Variants in RET observed in about 807,000 individuals in gnomAD.
The protein encoded by RET is ret proto-oncogene.
A neutral mutation model predicts 118.3 loss-of-function variants in RET; 19 were observed. The ratio of observed to expected loss-of-function variants is 0.16; its 90% CI spans 0.11 to 0.24. The LOEUF (loss-of-function observed/expected upper bound fraction) is 0.24, where lower values mean the gene tolerates loss of function less well. Among genes scored for constraint, RET ranks in the 10% least tolerant of loss-of-function variants. The pLI, the probability that RET is intolerant of heterozygous loss-of-function variation, is 1.00. For missense variants in RET, 1,219 were observed against 1,502.1 expected (o/e 0.81, Z 3.12); for synonymous variants, 597 against 644.1 (o/e 0.93, Z 1.11).
At chr10:43,127,340 C>T (rs1849709564) in intron 19 of RET, 1 of 1,067,860 alleles carries the variant, frequency 9.4e-7, no homozygotes, top group Non-Finnish European at 1.1e-6. Context: ...ACATCCTTTC[C>T]CTTACCCACC....
chr10:43,090,878 G>C (rs11239877), intron 1 of RET, among the ~76,000 whole-genome samples: 1 of 149,828 alleles, frequency 6.7e-6, no homozygotes, highest in African/African-American at 2.4e-5. Context: ...TAGAGATGGC[G>C]CGCTCCCTAG....
rs1554818648 is a variant in RET, at chr10:43,112,193, C to A, written c.1617C>A (p.Gly539=). ...GTGGCGGCCTGGGCTCCCCAACAGG[C>A]AGGTGTGAGTGGAGGCAAGGAGATG... ...EECGGLGSPT[G]RCEWRQGDGK... The change falls in exon 8 of 20, where the codon GGC becomes GGA. Residue 539 remains glycine (G), a synonymous_variant. Transcript: ENST00000355710. The A allele has an allele frequency of 1.3e-6, 2 of 1,562,126 alleles. No individual in the cohort carries two copies. Among genetic ancestry groups the A allele is most frequent in the Non-Finnish European group, 1.7e-6 (2 of 1,152,606 alleles).
In RET at chr10:43,114,565, C is replaced by G. The variant is rs2132847844; in HGVS notation, c.1965C>G (p.Phe655Leu). Residue 655 changes from phenylalanine (F) to leucine (L), a missense_variant, in exon 11 of 20, where the codon TTC becomes TTG. Phe to Leu is a conservative substitution (Grantham distance 22). This residue lies in a region of RET where 850 missense variants were observed against 969.6 expected (regional missense o/e 0.88). Coordinates refer to ENST00000355710, the MANE Select transcript of RET (RefSeq NM_020975.6). This position sits in a 1 kb window ranked among gnomAD's most constrained non-coding sequence, Gnocchi z 4.6. The part of the protein sequence containing the change: ...SFIVSVLLSA[F>L]CIHCYHKFAH... ...TCGTCTCGGTGCTGCTGTCTGCCTT[C>G]TGCATCCACTGCTACCACAAGTTTG... 6.2e-7 allele frequency: 1 copy of G among 1,612,124 alleles called. No individual in the cohort carries two copies. Among genetic ancestry groups the G allele is most frequent in the Admixed American group, 1.7e-5 (1 of 60,016 alleles).
chr10:43,117,183 A>C (rs1838092509), intron 12 of RET, among the ~76,000 whole-genome samples: 1 of 152,160 alleles, frequency 6.6e-6, no homozygotes, highest in Admixed American at 6.5e-5. Context: ...GCACCTACCC[A>C]CACAGGCATG....
At chr10:43,109,527 T>A (rs951310349) in intron 6 of RET, among the ~76,000 whole-genome samples, 1 of 152,210 alleles carries the variant, frequency 6.6e-6, no homozygotes, top group African/African-American at 2.4e-5. Context: ...ATATGGTGAC[T>A]CGGAAGAATC....
chr10:43,098,225 C>CA (rs1837562450), intron 1 of RET, among the ~76,000 whole-genome samples: 1 of 152,174 alleles, frequency 6.6e-6, no homozygotes, highest in Non-Finnish European at 1.5e-5. Context: ...CTGTCCCTAT[C>CA]AAACACTAAC....
In RET at chr10:43,128,228, T is replaced by C. The variant is rs1305555370; in HGVS notation, c.3304T>C (p.Ser1102Pro). The C allele has an allele frequency of 1.9e-6, 3 of 1,614,244 alleles. No homozygotes were observed. The Admixed American group carries it at 5.0e-5, about 27-fold the overall frequency. The change falls in exon 20 of 20, where the codon TCA becomes CCA. Residue 1102 changes from serine (S) to proline (P), a missense_variant. Around this residue, in one of 5 missense-constraint regions of RET, gnomAD observed 174 missense variants for 179.3 expected, o/e 0.97. Transcript: ENST00000355710. ...TAGTGTATATGCTAACTGGATGCTT[T>C]CACCCTCAGCGGCAAAATTAATGGA... ...NDSVYANWML[S>P]PSAAKLMDTF...
At chr10:43,126,923 G>A in intron 19 of RET, 1 of 1,435,294 alleles carries the variant, frequency 7.0e-7, no homozygotes, top group Non-Finnish European at 9.1e-7. Flanking sequence ...AAAAGGATGT[G>A]AAAATAAGTG....
At position 43,104,932 on chromosome 10, in the gene RET, C is replaced by T. The variant is rs1379027150; in HGVS notation, c.626-20C>T. 5.2e-6 allele frequency: 8 copies of T among 1,552,082 alleles called. No homozygotes were observed. The highest frequency in any genetic ancestry group is 6.9e-6 in the Non-Finnish European group (8 of 1,157,428). On this transcript the variant is annotated intron_variant, in intron 3 of 19. Transcript: ENST00000355710. ...TCCCGGCTGGTGATCACGCGGGGCCCCTGTCTGCTTGGTGCGCAGGTGAGG... is the reference window on the plus strand; with the variant it reads ...TCCCGGCTGGTGATCACGCGGGGCCTCTGTCTGCTTGGTGCGCAGGTGAGG...
chr10:43,111,609 C>A (rs2132782374), intron 7 of RET, 144 bp downstream of exon 7: 1 of 925,880 alleles, frequency 1.1e-6, no homozygotes, highest in Non-Finnish European at 1.6e-6. Context: ...CTGAGTGACC[C>A]AGCAGTAAAT....
In RET at chr10:43,129,610, AAG is replaced by A. The variant is rs1488121588; in HGVS notation, c.*1344_*1345del. The A allele has an allele frequency of 1.2e-5, 3 of 249,636 alleles. No individual in the cohort carries two copies. The highest frequency in any genetic ancestry group is 6.5e-5 in the African/African-American group (3 of 46,014). 15.5% of individuals were successfully genotyped at this position (249,636 alleles called of 1,614,324 possible). A position where few individuals can be genotyped will look rare whatever the true frequency, so the allele number is the denominator to read the frequency against. ...TTGTCAGCACTGTAACTTCGCAGAA[AAG>A]AGTCGGATTACCAAAACACTGCCTG... On this transcript the variant is annotated 3_prime_UTR_variant, in exon 20 of 20. Transcript: ENST00000355710.
rs1057517646 is a variant in RET, at chr10:43,126,564, C to T, written c.3040-11C>T. 1 of 1,613,042 alleles carries T rather than the reference C, an allele frequency of 6.2e-7. No individual in the cohort carries two copies. The highest frequency in any genetic ancestry group is 1.7e-5 in the Admixed American group (1 of 60,026). ...CATGGCTTGGAGTGACCGGCCATCT[C>T]TGTCTTCCAGGACTACTTGGACCTT... On this transcript the variant is annotated splice_polypyrimidine_tract_variant and intron_variant, in intron 18 of 19. Transcript: ENST00000355710.
intron 11 of RET, among the ~76,000 whole-genome samples, chr10:43,115,249 G>A (rs1297488111): frequency 3.3e-5 from 5 of 152,226 alleles, no homozygotes; most frequent in Admixed American, 1.3e-4. Context: ...TGAACGGTGA[G>A]CCACGCAGCT....
intron 1 of RET, among the ~76,000 whole-genome samples, chr10:43,081,801 G>T (rs3026729): frequency 0.06 from 9,135 of 152,276 alleles, 417 homozygotes; most frequent in East Asian, 0.21. Context: ...CAGCAGCCAG[G>T]GCCGGCTCAG....
At chr10:43,093,156 C>T (rs1837444701) in intron 1 of RET, among the ~76,000 whole-genome samples, 1 of 152,186 alleles carries the variant, frequency 6.6e-6, no homozygotes, top group African/African-American at 2.4e-5. Flanking sequence ...CAGAGGGGGC[C>T]CTGGGAGCCC....
rs574541792 is a variant in RET, at chr10:43,128,395, C to A, written c.*126C>A. ...GTGTTCAGTTCCCAGGTGGCAGACT[C>A]GTTTTTGGTAGTTTGTTTTAACTTC... On this transcript the variant is annotated 3_prime_UTR_variant, in exon 20 of 20. Coordinates refer to ENST00000355710, the MANE Select transcript of RET (RefSeq NM_020975.6). 4 of 1,135,042 alleles carry A rather than the reference C, an allele frequency of 3.5e-6. No homozygotes were observed. The highest frequency in any genetic ancestry group is 1.9e-4 in the Middle Eastern group (1 of 5,150). 70.3% of individuals were successfully genotyped at this position (1,135,042 alleles called of 1,614,324 possible). A position where few individuals can be genotyped will look rare whatever the true frequency, so the allele number is the denominator to read the frequency against.
At position 43,102,951 on chromosome 10, in the gene RET, C is replaced by T. The variant is rs1031822101; in HGVS notation, c.625+322C>T. The T allele has an allele frequency of 1.4e-4, 61 of 437,598 alleles. No individual in the cohort carries two copies. In the East Asian group the frequency reaches 2.0e-3, roughly 14 times the overall value. 27.1% of individuals were successfully genotyped at this position (437,598 alleles called of 1,614,324 possible). ...GGGGAGGAAACTGGGAAGAGGGAAA[C>T]GCTGAAGAGGAGGGGAACAGACGAG... On this transcript the variant is annotated intron_variant, in intron 3 of 19. Coordinates refer to ENST00000355710, the MANE Select transcript of RET (RefSeq NM_020975.6).
Position 43,128,414 on chromosome 10 carries a change from T to A in RET, c.*145T>A. On this transcript the variant is annotated 3_prime_UTR_variant, in exon 20 of 20. Transcript: ENST00000355710. ...CAGACTCGTTTTTGGTAGTTTGTTT[T>A]AACTTCCAAGGTGGTTTTACTTCTG... 1 of 934,448 alleles carries A rather than the reference T, an allele frequency of 1.1e-6. No homozygotes were observed. Among genetic ancestry groups the A allele is most frequent in the Non-Finnish European group, 1.7e-6 (1 of 591,176 alleles). The allele number at this position is 934,448 out of a possible 1,614,324, so 57.9% of individuals were successfully genotyped here. A position where few individuals can be genotyped will look rare whatever the true frequency, so the allele number is the denominator to read the frequency against.
At chr10:43,120,495 A>G (rs1018270004) in intron 15 of RET, among the ~76,000 whole-genome samples, 1 of 152,230 alleles carries the variant, frequency 6.6e-6, no homozygotes, top group Non-Finnish European at 1.5e-5. Context: ...CTGCGGAACT[A>G]ACAGTCCTCT....
Sources: gnomAD v4.1 joint callset for allele counts (sites outside exome capture counted in the v4.1 genomes callset) on GRCh38, gnomAD v4.1.1 for gene constraint, gnomAD v4.1.1 regional missense constraint, Gnocchi (gnomAD v3.1) non-coding constraint, MANE v1.5 for transcripts, NCBI Gene and HGNC (gene_info 2026-07-23, HGNC 2026-07-21) for gene names.